Variants in LARGE1 observed in about 807,000 individuals in gnomAD.
LARGE1 encodes the protein xylosyl- and glucuronyltransferase LARGE1.
A neutral mutation model predicts 87.6 loss-of-function variants in LARGE1; 43 were observed. The observed-to-expected ratio is 0.49, with a 90% CI of 0.38 to 0.63. The LOEUF is 0.63. Among genes scored for constraint, LARGE1 ranks in the 30% least tolerant of loss-of-function variants. The pLI, the probability that LARGE1 is intolerant of heterozygous loss-of-function variation, is 0.00. For missense variants in LARGE1, 802 were observed against 1,000.2 expected, an observed-to-expected ratio of 0.80 and a Z score of 2.67; for synonymous variants, 434 against 394.6, an observed-to-expected ratio of 1.10 and a Z score of -1.18.
intron 5 of LARGE1, among the ~76,000 whole-genome samples, chr22:33,595,541 G>A (rs562729166): frequency 8.5e-5 from 13 of 152,276 alleles, no homozygotes; most frequent in African/African-American, 3.1e-4. Context: ...CCACAAGCAG[G>A]TCAGAAGACA....
At chr22:33,610,522 TG>T (rs1245504467) in intron 4 of LARGE1, among the ~76,000 whole-genome samples, 1 of 152,068 alleles carries the variant, frequency 6.6e-6, no homozygotes, top group African/African-American at 2.4e-5. Context: ...AGTGTCCAGA[TG>T]GAGGAGCAAA....
At chr22:33,408,545 A>G (rs2066185841) in intron 7 of LARGE1, among the ~76,000 whole-genome samples, 1 of 152,134 alleles carries the variant, frequency 6.6e-6, no homozygotes, top group Non-Finnish European at 1.5e-5. Context: ...GTTTTCTAAT[A>G]TTAGTGATTC....
chr22:33,378,444 G>A (rs2065054575), intron 9 of LARGE1, among the ~76,000 whole-genome samples: 1 of 152,094 alleles, frequency 6.6e-6, no homozygotes, highest in Non-Finnish European at 1.5e-5. Context: ...TTTATGTGAG[G>A]CCTTTATGTG....
At chr22:33,476,027 C>A (rs971063666) in intron 6 of LARGE1, among the ~76,000 whole-genome samples, 22 of 152,182 alleles carry the variant, frequency 1.4e-4, no homozygotes, top group African/African-American at 5.1e-4. Flanking sequence ...AAGATAGCTA[C>A]AAAGATTTTA....
At chr22:33,514,596 T>C (rs1473589236) in intron 6 of LARGE1, among the ~76,000 whole-genome samples, 1 of 152,236 alleles carries the variant, frequency 6.6e-6, no homozygotes, top group East Asian at 1.9e-4. Context: ...GTGCATAGAT[T>C]GTATGTAAAT....
intron 7 of LARGE1, among the ~76,000 whole-genome samples, chr22:33,417,300 A>G (rs1282459316): frequency 6.6e-6 from 1 of 152,194 alleles, no homozygotes; most frequent in Non-Finnish European, 1.5e-5. Context: ...GGCAGGACCT[A>G]GGAATATGGA....
chr22:33,712,637 A>AGTGTGTGTGTGTGTGTGTGTGT (rs34754283), intron 2 of LARGE1, among the ~76,000 whole-genome samples: 3 of 134,738 alleles, frequency 2.2e-5, no homozygotes, highest in African/African-American at 5.6e-5. Context: ...TGAGGGGTAC[A>AGTGTGTGTGTGTGTGTGTGTGT]GTGTGTGTGT....
At chr22:33,440,604 T>C (rs1179064776) in intron 6 of LARGE1, among the ~76,000 whole-genome samples, 1 of 152,224 alleles carries the variant, frequency 6.6e-6, no homozygotes, top group Non-Finnish European at 1.5e-5. Context: ...ATTCAATGTG[T>C]GTCTGAGTGC....
chr22:33,864,019 C>A (rs2064012694), intron 1 of LARGE1, among the ~76,000 whole-genome samples: 1 of 152,196 alleles, frequency 6.6e-6, no homozygotes. Flanking sequence ...CTATGACAAG[C>A]ATCACAGAAG....
At chr22:33,438,061 C>T (rs910263622) in intron 6 of LARGE1, among the ~76,000 whole-genome samples, 3 of 152,018 alleles carry the variant, frequency 2.0e-5, no homozygotes, top group African/African-American at 7.3e-5. Flanking sequence ...GAGAGAAGTC[C>T]CCTCTGCTAC....
chr22:33,818,854 T>C (rs1213394212), intron 1 of LARGE1, among the ~76,000 whole-genome samples: 2 of 152,150 alleles, frequency 1.3e-5, no homozygotes, highest in Admixed American at 6.5e-5. Flanking sequence ...AGTCCAGGAC[T>C]TCCCCCACCT....
rs576877042 is a variant in LARGE1, at chr22:33,334,371, A to G, written c.1287+3275T>C. Among the ~76,000 whole-genome samples, 350 of 146,546 alleles carry G rather than the reference A, an allele frequency of 2.4e-3. 2 individuals carry two copies. The highest frequency in any genetic ancestry group is 8.4e-3 in the African/African-American group (322 of 38,280). On this transcript the variant is annotated intron_variant, in intron 10 of 14. Coordinates refer to ENST00000397394, the MANE Select transcript of LARGE1 (RefSeq NM_133642.5). ...GGTTACAGTGAGCTGAGATCGCGCC[A>G]CTGCACTCTAGCCTGGCGACAGAGC...
chr22:33,221,118 T>C (rs967557878), intron 11 of LARGE1, among the ~76,000 whole-genome samples: 4 of 152,134 alleles, frequency 2.6e-5, no homozygotes, highest in African/African-American at 7.2e-5. Context: ...AAGAAACTTA[T>C]AAAATTATAA....
chr22:33,103,958 T>C, the LARGE1 span, among the ~76,000 whole-genome samples: 2 of 152,226 alleles, frequency 1.3e-5, no homozygotes, highest in African/African-American at 4.8e-5. Flanking sequence ...GAAGTGCCTT[T>C]CACCTTCTGC....
At chr22:33,130,313 C>CAAAAAAAAAAAAAAAAAAA in the LARGE1 span, among the ~76,000 whole-genome samples, 56 of 57,000 alleles carry the variant, frequency 9.8e-4, no homozygotes, top group African/African-American at 1.4e-3. Flanking sequence ...GATTCCGTCT[C>CAAAAAAAAAAAAAAAAAAA]AAAAAAAAAA....
chr22:33,438,417 C>T (rs1245329859), intron 6 of LARGE1, among the ~76,000 whole-genome samples: 3 of 152,186 alleles, frequency 2.0e-5, no homozygotes, highest in African/African-American at 7.2e-5. Flanking sequence ...CGCTGTTCTC[C>T]ATCTTCCTTA....
intron 6 of LARGE1, among the ~76,000 whole-genome samples, chr22:33,473,803 T>A (rs1271707120): frequency 2.0e-5 from 3 of 151,956 alleles, no homozygotes; most frequent in Admixed American, 6.6e-5. Flanking sequence ...TGGAAAAAAA[T>A]ATTAAATGAA....
chr22:33,068,231 T>C, the LARGE1 span, among the ~76,000 whole-genome samples: 4 of 152,208 alleles, frequency 2.6e-5, no homozygotes, highest in Non-Finnish European at 1.5e-5. Context: ...GGTGGCATTT[T>C]AATCCCTTGA....
intron 2 of LARGE1, among the ~76,000 whole-genome samples, chr22:33,677,802 G>A (rs2081626716): frequency 6.6e-6 from 1 of 152,110 alleles, no homozygotes; most frequent in Non-Finnish European, 1.5e-5. Flanking sequence ...CCAAATTCTT[G>A]AGACCCGATT....
Sources: allele counts gnomAD v4.1 joint callset (sites outside exome capture counted in the v4.1 genomes callset), GRCh38; gene constraint gnomAD v4.1.1; transcripts MANE v1.5; gene names NCBI Gene and HGNC (gene_info 2026-07-23, HGNC 2026-07-21).